AUTS2: variants seen among roughly 807,000 people sequenced by gnomAD.
AUTS2 encodes the protein activator of transcription and developmental regulator AUTS2, also known as autism susceptibility gene 2 protein.
In AUTS2, 17 loss-of-function variants were observed where a neutral mutation model predicts 112.4. The observed-to-expected ratio is 0.15, with a 90% CI of 0.10 to 0.23. The LOEUF (loss-of-function observed/expected upper bound fraction) is 0.23. AUTS2 is among the 10% of genes least tolerant of loss of function. The pLI is 1.00. For missense variants in AUTS2, 1,510 were observed against 1,701.6 expected (o/e 0.89, Z 1.98); for synonymous variants, 751 against 702.7 (o/e 1.07, Z -1.09).
intron 1 of AUTS2, among the ~76,000 whole-genome samples, chr7:69,733,097 A>G (rs549802860): frequency 1.3e-5 from 2 of 152,224 alleles, no homozygotes; most frequent in African/African-American, 4.8e-5. Context: ...AGTCTTATTT[A>G]TGCTTTGGGG....
intron 1 of AUTS2, among the ~76,000 whole-genome samples, chr7:69,692,443 T>G (rs1019289892): frequency 6.6e-6 from 1 of 152,178 alleles, no homozygotes; most frequent in African/African-American, 2.4e-5. Context: ...ATTGGAGAAA[T>G]GGATGAATAT....
chr7:69,862,369 GA>G (rs1186992517), intron 1 of AUTS2, among the ~76,000 whole-genome samples: 5 of 152,294 alleles, frequency 3.3e-5, no homozygotes, highest in Admixed American at 3.3e-4. Context: ...TAAAGGAAAT[GA>G]AAACGAACCC....
chr7:70,434,485 A>G (rs904156987), intron 4 of AUTS2, among the ~76,000 whole-genome samples: 4 of 152,212 alleles, frequency 2.6e-5, no homozygotes, highest in Non-Finnish European at 5.9e-5. Flanking sequence ...TCCTAGACAC[A>G]TCCCTGTTAC....
intron 1 of AUTS2, among the ~76,000 whole-genome samples, chr7:69,701,494 C>T (rs544493286): frequency 4.6e-5 from 7 of 152,240 alleles, no homozygotes; most frequent in East Asian, 1.9e-4. Context: ...TGCCTATAAA[C>T]GCAAGGCTGG....
intron 2 of AUTS2, among the ~76,000 whole-genome samples, chr7:70,089,231 G>A (rs867358570): frequency 6.6e-6 from 1 of 152,162 alleles, no homozygotes; most frequent in African/African-American, 2.4e-5. Flanking sequence ...TAACAATGGA[G>A]CATTGAAATC....
chr7:69,985,078 C>T lies in AUTS2; in HGVS notation c.522+85580C>T, dbSNP rs549222648. Among the ~76,000 whole-genome samples, 7 of 151,856 alleles carry T rather than the reference C, an allele frequency of 4.6e-5. No homozygotes were observed. In the South Asian group the frequency reaches 1.5e-3, roughly 32 times the overall value. On this transcript the variant is annotated intron_variant, in intron 2 of 18. Transcript: ENST00000342771. Reference sequence around the variant, plus strand: ...AGAAGGTTTCCAGGTACATTTTGGGCAGTAAAGAAGATGTGGACTGGGCAT... The same window carrying T: ...AGAAGGTTTCCAGGTACATTTTGGGTAGTAAAGAAGATGTGGACTGGGCAT...
intron 5 of AUTS2, among the ~76,000 whole-genome samples, chr7:70,584,280 A>C (rs1006299407): frequency 6.6e-6 from 1 of 152,208 alleles, no homozygotes; most frequent in African/African-American, 2.4e-5. Context: ...AAATCTGGGG[A>C]AAAATTTCTT....
intron 5 of AUTS2, among the ~76,000 whole-genome samples, chr7:70,475,575 A>G (rs1174961492): frequency 5.9e-5 from 9 of 152,170 alleles, no homozygotes; most frequent in Non-Finnish European, 1.3e-4. Context: ...AGTGCCTCAC[A>G]TAGAGTGGTG....
chr7:70,134,605 G>A (rs1295380514), intron 4 of AUTS2, 34 bp downstream of exon 4: 2 of 1,602,576 alleles, frequency 1.2e-6, no homozygotes, highest in African/African-American at 1.3e-5. Context: ...TATGTGCCTT[G>A]CATTGGCATT....
chr7:69,610,685 G>T (rs1426211800), intron 1 of AUTS2, among the ~76,000 whole-genome samples: 1 of 152,102 alleles, frequency 6.6e-6, no homozygotes, highest in East Asian at 1.9e-4. Context: ...GAATAAGCCC[G>T]CATCATTCAG....
chr7:70,605,881 C>T (rs1337936708), intron 5 of AUTS2, among the ~76,000 whole-genome samples: 1 of 152,142 alleles, frequency 6.6e-6, no homozygotes, highest in Non-Finnish European at 1.5e-5. Context: ...GGCTCATTGG[C>T]ACTACAGAAG....
chr7:70,466,636 A>G (rs1420318517), intron 5 of AUTS2, among the ~76,000 whole-genome samples: 1 of 152,224 alleles, frequency 6.6e-6, no homozygotes, highest in African/African-American at 2.4e-5. Context: ...CCATGCACAT[A>G]TAAAGAAAAG....
chr7:70,691,050 A>G (rs944662028), intron 5 of AUTS2, among the ~76,000 whole-genome samples: 1 of 152,216 alleles, frequency 6.6e-6, no homozygotes, highest in African/African-American at 2.4e-5. Flanking sequence ...TTAAATCTTT[A>G]GATGTATTTT....
In AUTS2 at chr7:70,133,490, G is replaced by A. The variant is rs114332885; in HGVS notation, c.625-1046G>A. The stretch of plus-strand genomic sequence containing the variant: ...CTGTCTGAAGTTTCCAGAGTAGGGG[G>A]CAGGACATGTAGGCAGAAGAGCTAG... On this transcript the variant is annotated intron_variant, in intron 3 of 18. Transcript: ENST00000342771. Among the ~76,000 whole-genome samples the A allele has an allele frequency of 6.3e-3, 961 of 152,300 alleles. 10 individuals carry two copies. Among genetic ancestry groups the A allele is most frequent in the African/African-American group, 0.022 (915 of 41,564 alleles).
chr7:70,710,399 A>G (rs936747624), intron 6 of AUTS2, among the ~76,000 whole-genome samples: 11 of 152,170 alleles, frequency 7.2e-5, no homozygotes, highest in African/African-American at 1.9e-4. Context: ...CCACCCTCCC[A>G]TCTGTCTTCA....
chr7:69,921,372 A>G (rs1795805529), intron 2 of AUTS2, among the ~76,000 whole-genome samples: 1 of 145,870 alleles, frequency 6.9e-6, no homozygotes, highest in Admixed American at 7.0e-5. Context: ...AACTAGGAAA[A>G]GTAGAAAAGT....
chr7:70,430,992 C>A lies in AUTS2; in HGVS notation c.661-4760C>A, dbSNP rs564444489. On this transcript the variant is annotated intron_variant, in intron 4 of 18. Coordinates refer to ENST00000342771, the MANE Select transcript of AUTS2 (RefSeq NM_015570.4). ...CTGGGACTACAGGCGCCCGCCAGCACGCCCAGCTAATTTTTTTTGTATTTT... is the reference window on the plus strand; with the variant it reads ...CTGGGACTACAGGCGCCCGCCAGCAAGCCCAGCTAATTTTTTTTGTATTTT... Among the ~76,000 whole-genome samples the A allele has an allele frequency of 2.6e-5, 4 of 151,958 alleles. No homozygotes were observed. In the East Asian group the frequency reaches 7.7e-4, roughly 29 times the overall value.
chr7:69,880,973 C>T (rs1447796957), intron 1 of AUTS2, among the ~76,000 whole-genome samples: 1 of 152,122 alleles, frequency 6.6e-6, no homozygotes, highest in African/African-American at 2.4e-5. Context: ...GCCTACCACA[C>T]GAGGTTGGAT....
chr7:69,886,426 G>C (rs547971607), intron 1 of AUTS2, among the ~76,000 whole-genome samples: 95 of 152,272 alleles, frequency 6.2e-4, no homozygotes, highest in South Asian at 2.5e-3. Context: ...TAAAAGGACT[G>C]CCTCACATAT....
Sources: allele counts gnomAD v4.1 joint callset (sites outside exome capture counted in the v4.1 genomes callset), GRCh38; gene constraint gnomAD v4.1.1; transcripts MANE v1.5; gene names NCBI Gene and HGNC (gene_info 2026-07-23, HGNC 2026-07-21).